The following SYNDIG1 variants were observed in gnomAD, a reference collection of about 807,000 sequenced individuals.
SYNDIG1 encodes the protein synapse differentiation inducing 1.
A neutral mutation model predicts 19.4 loss-of-function variants in SYNDIG1; 9 were observed. That is an observed-to-expected ratio of 0.46 (90% CI 0.28 to 0.81). The LOEUF is 0.81. Among genes scored for constraint, SYNDIG1 ranks in the 30% least tolerant of loss-of-function variants. SYNDIG1 has a pLI of 0.12. For missense variants in SYNDIG1, 311 were observed against 343.3 expected (o/e 0.91, Z 0.74); for synonymous variants, 141 against 145.9 (o/e 0.97, Z 0.24).
intron 1 of SYNDIG1, among the ~76,000 whole-genome samples, chr20:24,489,515 GCA>G (rs375872249): frequency 4.2e-4 from 62 of 146,402 alleles, no homozygotes; most frequent in Non-Finnish European, 8.7e-4. Context: ...ACAGATACAT[GCA>G]CACACACGTA....
intron 3 of SYNDIG1, among the ~76,000 whole-genome samples, chr20:24,589,439 G>T (rs1440972963): frequency 6.6e-6 from 1 of 152,226 alleles, no homozygotes; most frequent in Non-Finnish European, 1.5e-5. Flanking sequence ...CACAGTCCTT[G>T]CTTCTAAATT....
chr20:24,518,987 C>T (rs780440024), intron 1 of SYNDIG1, among the ~76,000 whole-genome samples: 16 of 152,134 alleles, frequency 1.1e-4, no homozygotes, highest in Admixed American at 5.2e-4. Context: ...GCTAGGGCGG[C>T]GCAGCCCATT....
intron 3 of SYNDIG1, among the ~76,000 whole-genome samples, chr20:24,616,397 C>G (rs1451279429): frequency 1.3e-5 from 2 of 152,260 alleles, no homozygotes; most frequent in East Asian, 3.9e-4. Context: ...CGCGCCCCTC[C>G]TCCACCTGCA....
intron 1 of SYNDIG1, among the ~76,000 whole-genome samples, chr20:24,516,344 A>T (rs77184619): frequency 0.018 from 2,759 of 152,334 alleles, 42 homozygotes; most frequent in Middle Eastern, 0.061. Context: ...AATCTAATTA[A>T]ATTAAAGTGC....
intron 1 of SYNDIG1, among the ~76,000 whole-genome samples, chr20:24,508,848 A>G (rs1327235051): frequency 3.3e-5 from 5 of 152,174 alleles, no homozygotes; most frequent in Non-Finnish European, 7.3e-5. Flanking sequence ...GAAAAGGGGA[A>G]TAAATAGAGG....
chr20:24,581,421 G>A (rs2058321053), intron 2 of SYNDIG1, among the ~76,000 whole-genome samples: 1 of 152,108 alleles, frequency 6.6e-6, no homozygotes, highest in Non-Finnish European at 1.5e-5. Context: ...CTGAGGTCAA[G>A]GGCTGAGCTG....
chr20:24,613,882 C>T (rs905330011), intron 3 of SYNDIG1, among the ~76,000 whole-genome samples: 19 of 152,110 alleles, frequency 1.2e-4, no homozygotes, highest in Middle Eastern at 3.2e-3. Context: ...TGCGGGGAAG[C>T]GTGAATGGAG....
intron 2 of SYNDIG1, among the ~76,000 whole-genome samples, chr20:24,582,369 A>G (rs115367935): frequency 0.032 from 1,544 of 49,012 alleles, 70 homozygotes; most frequent in African/African-American, 0.12. Context: ...TTCCCCTTGC[A>G]TGGCCTCCCC....
At chr20:24,623,696 G>A (rs889531306) in intron 3 of SYNDIG1, among the ~76,000 whole-genome samples, 1 of 152,152 alleles carries the variant, frequency 6.6e-6, no homozygotes, top group Non-Finnish European at 1.5e-5. Flanking sequence ...GGTATTATTC[G>A]AGGGTAAATT....
chr20:24,474,969 C>G (rs1016945097), intron 1 of SYNDIG1, among the ~76,000 whole-genome samples: 1 of 152,348 alleles, frequency 6.6e-6, no homozygotes, highest in African/African-American at 2.4e-5. Context: ...AACTACAGAT[C>G]TTTCTGAAAG....
chr20:24,503,885 A>G (rs1036375960), intron 1 of SYNDIG1, among the ~76,000 whole-genome samples: 1 of 151,752 alleles, frequency 6.6e-6, no homozygotes, highest in Non-Finnish European at 1.5e-5. Flanking sequence ...GACTTGTTGA[A>G]TGACTGGATT....
intron 3 of SYNDIG1, among the ~76,000 whole-genome samples, chr20:24,647,020 CA>C (rs1398688622): frequency 6.6e-6 from 1 of 152,196 alleles, no homozygotes; most frequent in East Asian, 1.9e-4. Flanking sequence ...GATAGCAACA[CA>C]AAATGGGCTA....
chr20:24,544,959 G>A (rs1162979434), intron 2 of SYNDIG1, among the ~76,000 whole-genome samples: 3 of 152,188 alleles, frequency 2.0e-5, no homozygotes, highest in African/African-American at 7.2e-5. Flanking sequence ...CACTCTGCCT[G>A]GAAGGTGGAG....
At chr20:24,551,876 A>G (rs1421195943) in intron 2 of SYNDIG1, among the ~76,000 whole-genome samples, 1 of 152,160 alleles carries the variant, frequency 6.6e-6, no homozygotes, top group Non-Finnish European at 1.5e-5. Context: ...AAATTGATTG[A>G]GACTTGATAT....
chr20:24,518,375 A>G (rs1338355762), intron 1 of SYNDIG1, among the ~76,000 whole-genome samples: 1 of 152,100 alleles, frequency 6.6e-6, no homozygotes, highest in Non-Finnish European at 1.5e-5. Flanking sequence ...AGGAGCTGTC[A>G]GGGCTGGGAC....
Position 24,529,411 on chromosome 20 carries a change from T to C in SYNDIG1, c.-78-13609T>C, listed in dbSNP as rs551668527. Among the ~76,000 whole-genome samples, 7 of 152,164 alleles carry C rather than the reference T, an allele frequency of 4.6e-5. No individual in the cohort carries two copies. In the East Asian group the frequency reaches 1.4e-3, roughly 29 times the overall value. Reference sequence around the variant, plus strand: ...TGATGGCTAGGAATCAGTAAAATTTTTCTGTAAAGAGTCAGATAATATTTT... The same window carrying C: ...TGATGGCTAGGAATCAGTAAAATTTCTCTGTAAAGAGTCAGATAATATTTT... On this transcript the variant is annotated intron_variant, in intron 1 of 3. Transcript: ENST00000376862.
At chr20:24,643,179 C>T (rs187853651) in intron 3 of SYNDIG1, among the ~76,000 whole-genome samples, 38 of 152,316 alleles carry the variant, frequency 2.5e-4, no homozygotes, top group African/African-American at 8.4e-4. Context: ...CAGCCTTCTT[C>T]CCTTACTTCT....
At chr20:24,560,979 A>G (rs913717599) in intron 2 of SYNDIG1, among the ~76,000 whole-genome samples, 6 of 150,026 alleles carry the variant, frequency 4.0e-5, no homozygotes, top group African/African-American at 1.5e-4. Context: ...TCAGCCACTG[A>G]TGTCTCCTCA....
rs2056810220 is a variant in SYNDIG1 at position 24,514,098 on chromosome 20, C to G, written c.-78-28922C>G. On this transcript the variant is annotated intron_variant, in intron 1 of 3. Coordinates refer to ENST00000376862, the MANE Select transcript of SYNDIG1 (RefSeq NM_024893.3). ...CTGAGAGATTTTGTCACCACCAGGC[C>G]TGCCTTACAAGAGTTCCTGAAGGAA... Among the ~76,000 whole-genome samples, 2 of 152,136 alleles carry G rather than the reference C, an allele frequency of 1.3e-5. 1 individual carries two copies. Among genetic ancestry groups the G allele is most frequent in the South Asian group, 4.1e-4 (2 of 4,828 alleles).
Sources: allele counts gnomAD v4.1 joint callset (sites outside exome capture counted in the v4.1 genomes callset), GRCh38; gene constraint gnomAD v4.1.1; transcripts MANE v1.5; gene names NCBI Gene and HGNC (gene_info 2026-07-23, HGNC 2026-07-21).